The following COL21A1 variants were observed in gnomAD, a reference collection of about 807,000 sequenced individuals.
The protein encoded by COL21A1 is collagen type XXI alpha 1 chain, also known as collagen alpha-1(XXI) chain.
COL21A1 carries 149 observed loss-of-function variants against 137.9 expected under a neutral mutation model. The ratio of observed to expected loss-of-function variants is 1.08; its 90% CI spans 0.95 to 1.24. COL21A1 has a LOEUF of 1.24. Ranked by LOEUF, COL21A1 falls within the 50% of genes most tolerant of loss-of-function variation. The pLI is 0.00. For missense variants in COL21A1, 1,167 were observed against 1,158.4 expected, an observed-to-expected ratio of 1.01 and a Z score of -0.11; for synonymous variants, 456 against 391.5, an observed-to-expected ratio of 1.16 and a Z score of -1.95.
At chr6:56,268,356 C>T (rs1763443508) in intron 1 of COL21A1, among the ~76,000 whole-genome samples, 1 of 152,128 alleles carries the variant, frequency 6.6e-6, no homozygotes, top group African/African-American at 2.4e-5. Context: ...TTTCCCAAGA[C>T]CCAGGAACAG....
At chr6:56,323,079 C>G (rs944009245) in intron 1 of COL21A1, among the ~76,000 whole-genome samples, 4 of 152,008 alleles carry the variant, frequency 2.6e-5, no homozygotes, top group African/African-American at 9.7e-5. Flanking sequence ...ACAATGTACA[C>G]TATTTGCGTG....
intron 7 of COL21A1, among the ~76,000 whole-genome samples, chr6:56,165,266 T>TTAAA (rs1470120509): frequency 6.6e-6 from 1 of 152,174 alleles, no homozygotes; most frequent in African/African-American, 2.4e-5. Flanking sequence ...CTGTGTTTTA[T>TTAAA]TAAATAACAT....
At chr6:56,342,447 G>C (rs1765491639) in intron 1 of COL21A1, among the ~76,000 whole-genome samples, 1 of 152,180 alleles carries the variant, frequency 6.6e-6, no homozygotes, top group Non-Finnish European at 1.5e-5. Flanking sequence ...AGCCATTAAT[G>C]CTCTTCAGGA....
chr6:56,089,325 T>G (rs1282710942), intron 17 of COL21A1, among the ~76,000 whole-genome samples: 1 of 152,200 alleles, frequency 6.6e-6, no homozygotes, highest in Non-Finnish European at 1.5e-5. Context: ...CAACTGCAAA[T>G]GGCACTATGT....
rs1462707999 is a variant in COL21A1 at position 56,180,181 on chromosome 6, A to C, written c.89-52T>G. On this transcript the variant is annotated intron_variant, in intron 2 of 29. Transcript: ENST00000244728. ...CACATCTTTTATATAAAAAGCAAAA[A>C]GGGAGAGATTTTAAATATATGAGTT... The C allele has an allele frequency of 2.7e-5, 38 of 1,401,182 alleles. No homozygotes were observed. The East Asian group carries it at 7.8e-4, about 29-fold the overall frequency. The allele number at this position is 1,401,182 out of a possible 1,614,324, so 86.8% of individuals were successfully genotyped here. A position where few individuals can be genotyped will look rare whatever the true frequency, so the allele number is the denominator to read the frequency against.
chr6:56,255,808 G>T (rs1039099788), intron 1 of COL21A1, among the ~76,000 whole-genome samples: 1 of 152,178 alleles, frequency 6.6e-6, no homozygotes, highest in East Asian at 1.9e-4. Context: ...CAAGAAAGCC[G>T]CAATGTACCT....
chr6:56,266,468 G>A (rs959565349), intron 1 of COL21A1, among the ~76,000 whole-genome samples: 3 of 152,180 alleles, frequency 2.0e-5, no homozygotes, highest in African/African-American at 7.2e-5. Flanking sequence ...GGGTAGTTGT[G>A]ACAGAGACTG....
chr6:56,143,012 A>T (rs2152238868), intron 10 of COL21A1, among the ~76,000 whole-genome samples: 1 of 152,194 alleles, frequency 6.6e-6, no homozygotes, highest in South Asian at 2.1e-4. Context: ...GAGACATCAC[A>T]ATTCCCTGTT....
At chr6:56,216,793 A>G (rs1780515258) in intron 1 of COL21A1, among the ~76,000 whole-genome samples, 1 of 152,054 alleles carries the variant, frequency 6.6e-6, no homozygotes. Flanking sequence ...ATTTTTCCAT[A>G]CCTGCTTGCA....
intron 22 of COL21A1, among the ~76,000 whole-genome samples, chr6:56,067,984 CAT>C (rs1167642214): frequency 1.3e-5 from 2 of 151,658 alleles, no homozygotes; most frequent in Non-Finnish European, 3.0e-5. Context: ...ACTATCTAAA[CAT>C]AGAGTACAGT....
intron 1 of COL21A1, among the ~76,000 whole-genome samples, chr6:56,305,282 T>C (rs1230781406): frequency 1.3e-5 from 2 of 152,158 alleles, no homozygotes; most frequent in African/African-American, 4.8e-5. Context: ...AATTCCTGCA[T>C]ATCCTTGTCA....
chr6:56,251,202 A>G (rs1163960170), upstream of COL21A1, among the ~76,000 whole-genome samples: 3 of 152,210 alleles, frequency 2.0e-5, no homozygotes, highest in Admixed American at 2.0e-4. Flanking sequence ...GGGCTCCTCA[A>G]TTCCCTGCTA....
Position 56,075,464 on chromosome 6 carries a change from A to G in COL21A1, c.1911+15T>C. The G allele has an allele frequency of 6.5e-7, 1 of 1,531,744 alleles. No individual in the cohort carries two copies. Among genetic ancestry groups the G allele is most frequent in the Non-Finnish European group, 8.8e-7 (1 of 1,137,120 alleles). The allele number at this position is 1,531,744 out of a possible 1,614,324, so 94.9% of individuals were successfully genotyped here. A position where few individuals can be genotyped will look rare whatever the true frequency, so the allele number is the denominator to read the frequency against. ...GCAAACACTTTGATGTATGATGATA[A>G]TGACATCAACATACAGGCATCCCTG... is the stretch of plus-strand genomic sequence containing the variant. On this transcript the variant is annotated intron_variant, in intron 19 of 29. Coordinates refer to ENST00000244728, the MANE Select transcript of COL21A1 (RefSeq NM_030820.4).
intron 17 of COL21A1, among the ~76,000 whole-genome samples, chr6:56,094,104 T>C (rs578059986): frequency 6.6e-6 from 1 of 152,284 alleles, no homozygotes; most frequent in African/African-American, 2.4e-5. Context: ...TAACAGTTCT[T>C]TCCTCAAATA....
At chr6:56,224,161 C>T (rs1331892944) in intron 1 of COL21A1, among the ~76,000 whole-genome samples, 1 of 152,124 alleles carries the variant, frequency 6.6e-6, no homozygotes, top group Non-Finnish European at 1.5e-5. Flanking sequence ...CTGGGTCCTT[C>T]CATATCACCC....
intron 1 of COL21A1, among the ~76,000 whole-genome samples, chr6:56,292,674 A>T (rs1764077463): frequency 6.6e-6 from 1 of 152,176 alleles, no homozygotes; most frequent in Admixed American, 6.5e-5. Context: ...ATAACTGGTC[A>T]GTGCATGACC....
chr6:56,157,059 T>C, intron 9 of COL21A1, 110 bp from the exon 10 acceptor site: 1 of 576,492 alleles, frequency 1.7e-6, no homozygotes, highest in East Asian at 3.5e-5. Flanking sequence ...TTTTTGTATG[T>C]TAAAAACAAA....
At chr6:56,097,936 AAAAT>A (rs1769617045) in intron 17 of COL21A1, among the ~76,000 whole-genome samples, 2 of 43,258 alleles carry the variant, frequency 4.6e-5, no homozygotes, top group Non-Finnish European at 3.7e-5. Context: ...TAAATATATA[AAAAT>A]ATATATAAAT....
rs75824707 is a variant in COL21A1 at position 56,309,009 on chromosome 6, T to C, written c.-39+84962A>G. On this transcript the variant is annotated intron_variant, in intron 1 of 28. Transcript: ENST00000370819. The stretch of plus-strand genomic sequence containing the variant: ...AGATTCAGAGACTTCCATTTGACCT[T>C]CGGCTGTTTGTTAATCACGCTCAGT... 3.0e-3 allele frequency among the ~76,000 whole-genome samples: 460 copies of C among 152,154 alleles called. 4 individuals carry two copies. The highest frequency in any genetic ancestry group is 0.01 in the African/African-American group (429 of 41,506).
Sources: allele counts gnomAD v4.1 joint callset (sites outside exome capture counted in the v4.1 genomes callset), GRCh38; gene constraint gnomAD v4.1.1; transcripts MANE v1.5; gene names NCBI Gene and HGNC (gene_info 2026-07-23, HGNC 2026-07-21).